Variants in CNTNAP2 observed in about 807,000 individuals in gnomAD.
The protein encoded by CNTNAP2 is contactin associated protein 2.
Under a neutral mutation model 155.2 loss-of-function variants are expected in CNTNAP2, and 98 were observed. The ratio of observed to expected loss-of-function variants is 0.63; its 90% confidence interval spans 0.54 to 0.75. The LOEUF (loss-of-function observed/expected upper bound fraction) is 0.75, where lower values mean the gene tolerates loss of function less well. Among genes scored for constraint, CNTNAP2 ranks in the 30% least tolerant of loss-of-function variants. The probability of loss-of-function intolerance (pLI) is 0.00; values close to 1 mark genes in which losing one functional copy is unlikely to be tolerated. For synonymous variants in CNTNAP2, 651 were observed against 631.2 expected (o/e 1.03, Z -0.47); for missense variants, 1,727 against 1,688.1 (o/e 1.02, Z -0.40).
At chr7:147,333,243 G>C (rs1795605135) in intron 9 of CNTNAP2, among the ~76,000 whole-genome samples, 1 of 152,148 alleles carries the variant, frequency 6.6e-6, no homozygotes, top group South Asian at 2.1e-4. Flanking sequence ...GATGACTACA[G>C]AGAGAATACT....
chr7:148,362,213 A>C (rs13240771), intron 21 of CNTNAP2, among the ~76,000 whole-genome samples: 1 of 150,618 alleles, frequency 6.6e-6, no homozygotes, highest in Non-Finnish European at 1.5e-5. Context: ...AAAAAAACAA[A>C]AAACAAAACC....
chr7:148,086,038 A>G (rs1031579526), intron 15 of CNTNAP2, among the ~76,000 whole-genome samples: 1 of 152,202 alleles, frequency 6.6e-6, no homozygotes, highest in African/African-American at 2.4e-5. Context: ...TTAAATTATT[A>G]AATGTCTTAT....
intron 13 of CNTNAP2, among the ~76,000 whole-genome samples, chr7:147,815,499 T>C (rs1798250490): frequency 6.6e-6 from 1 of 152,192 alleles, no homozygotes; most frequent in Admixed American, 6.5e-5. Flanking sequence ...CTTCTCAAGC[T>C]TGGAATCTCT....
intron 19 of CNTNAP2, among the ~76,000 whole-genome samples, chr7:148,219,293 C>A (rs1315043506): frequency 2.0e-5 from 3 of 152,152 alleles, no homozygotes; most frequent in African/African-American, 7.2e-5. Flanking sequence ...AGGAACAAAT[C>A]TCTCTAACTC....
chr7:147,325,659 G>A (rs1232868067), intron 9 of CNTNAP2, among the ~76,000 whole-genome samples: 1 of 152,166 alleles, frequency 6.6e-6, no homozygotes, highest in African/African-American at 2.4e-5. Flanking sequence ...GAAAAAATAT[G>A]TTAGTCACAG....
At chr7:147,465,945 G>A (rs57266643) in intron 10 of CNTNAP2, among the ~76,000 whole-genome samples, 118,842 of 152,026 alleles carry the variant, frequency 0.78, 46,816 homozygotes, top group African/African-American at 0.88. Context: ...TGTGTGTGTA[G>A]CTCAATGTAA....
intron 13 of CNTNAP2, among the ~76,000 whole-genome samples, chr7:147,708,700 C>T (rs551129827): frequency 1.3e-5 from 2 of 152,154 alleles, no homozygotes; most frequent in South Asian, 2.1e-4. Context: ...GGGGAGCCAG[C>T]CTCTCCAGGT....
At chr7:147,554,345 T>C (rs1799909140) in intron 11 of CNTNAP2, among the ~76,000 whole-genome samples, 1 of 152,138 alleles carries the variant, frequency 6.6e-6, no homozygotes, top group Non-Finnish European at 1.5e-5. Flanking sequence ...GTCCTGGTTT[T>C]GTGACTGGCA....
chr7:146,182,277 T>C (rs1400466634), intron 1 of CNTNAP2, among the ~76,000 whole-genome samples: 2 of 152,156 alleles, frequency 1.3e-5, no homozygotes, highest in Non-Finnish European at 2.9e-5. Context: ...GGTAGGATAC[T>C]TCACTAGTCC....
chr7:148,054,235 G>C (rs961073768), intron 15 of CNTNAP2, among the ~76,000 whole-genome samples: 1 of 152,104 alleles, frequency 6.6e-6, no homozygotes, highest in Non-Finnish European at 1.5e-5. Flanking sequence ...GCCTCCCATA[G>C]TGCTGGGATT....
chr7:146,121,119 CTTTTTTTTTTTTTT>C (rs745449281), intron 1 of CNTNAP2, among the ~76,000 whole-genome samples: 1 of 65,762 alleles, frequency 1.5e-5, no homozygotes, highest in African/African-American at 5.2e-5. Context: ...ATAAAGCTTC[CTTTTTTTTTTTTTT>C]TTTTTTTTTT....
chr7:147,441,842 TCTCTCTCTCCCTCCC>T (rs1797643235), intron 10 of CNTNAP2, among the ~76,000 whole-genome samples: 4 of 114,488 alleles, frequency 3.5e-5, no homozygotes, highest in African/African-American at 9.3e-5. Context: ...TCTCTCTCTC[TCTCTCTCTCCCTCCC>T]TCCCTCCCTC....
intron 1 of CNTNAP2, among the ~76,000 whole-genome samples, chr7:146,391,386 C>G (rs1175494029): frequency 6.6e-6 from 1 of 151,886 alleles, no homozygotes; most frequent in Non-Finnish European, 1.5e-5. Context: ...TTTTATCTTT[C>G]AAAACATCTC....
At chr7:146,597,310 G>A (rs748499556) in intron 1 of CNTNAP2, among the ~76,000 whole-genome samples, 3 of 152,008 alleles carry the variant, frequency 2.0e-5, no homozygotes, top group Middle Eastern at 3.4e-3. Flanking sequence ...TATAATATCC[G>A]TGAGCATGTC....
At chr7:148,164,981 G>A (rs1805624439) in intron 17 of CNTNAP2, among the ~76,000 whole-genome samples, 2 of 151,980 alleles carry the variant, frequency 1.3e-5, no homozygotes, top group Admixed American at 6.6e-5. Flanking sequence ...ACAGTGCAGT[G>A]AGAAGAGGGA....
rs114164895 is a variant in CNTNAP2 at position 147,461,354 on chromosome 7, G to A, written c.1671-24581G>A. 3.4e-3 allele frequency among the ~76,000 whole-genome samples: 519 copies of A among 152,176 alleles called. 5 individuals are homozygous for A. The highest frequency in any genetic ancestry group is 0.012 in the African/African-American group (488 of 41,514). The stretch of plus-strand genomic sequence containing the variant: ...AAAAATGGTTTCAAAAAATGCTAAT[G>A]CTGTAATAATTTGAAGAGAATAAAA... On this transcript the variant is annotated intron_variant, in intron 10 of 23. Transcript: ENST00000361727.
intron 1 of CNTNAP2, among the ~76,000 whole-genome samples, chr7:146,355,590 A>T (rs1003230366): frequency 1.3e-5 from 2 of 152,170 alleles, no homozygotes; most frequent in African/African-American, 2.4e-5. Flanking sequence ...CATGCAGATG[A>T]TGGTTAGAGA....
intron 13 of CNTNAP2, among the ~76,000 whole-genome samples, chr7:147,719,915 T>C (rs953236941): frequency 2.6e-5 from 4 of 152,122 alleles, no homozygotes; most frequent in South Asian, 2.1e-4. Context: ...GATTTCCTAC[T>C]TTCTCTATTC....
intron 22 of CNTNAP2, among the ~76,000 whole-genome samples, chr7:148,406,622 A>G: frequency 6.6e-6 from 1 of 152,208 alleles, no homozygotes; most frequent in East Asian, 1.9e-4. Flanking sequence ...GACTATTCAC[A>G]AGCTTGGTGA....
Sources: gnomAD v4.1 joint callset for allele counts (sites outside exome capture counted in the v4.1 genomes callset) on GRCh38, gnomAD v4.1.1 for gene constraint, MANE v1.5 for transcripts, NCBI Gene and HGNC (gene_info 2026-07-23, HGNC 2026-07-21) for gene names.